NSG1: variants seen among roughly 807,000 people sequenced by gnomAD.
NSG1 encodes neuronal vesicle trafficking-associated protein 1.
Under a neutral mutation model 19.3 loss-of-function variants are expected in NSG1, and 9 were observed. That is an observed-to-expected ratio of 0.47 (90% confidence interval 0.28 to 0.81). The LOEUF (loss-of-function observed/expected upper bound fraction) is 0.81, where lower values mean the gene tolerates loss of function less well. Ranked by LOEUF, NSG1 falls within the 40% of genes least tolerant of loss-of-function variation. NSG1 has a pLI of 0.11. For synonymous variants in NSG1, 104 were observed against 107.0 expected (o/e 0.97, Z 0.17); for missense variants, 236 against 242.4 (o/e 0.97, Z 0.18).
intron 4 of NSG1, among the ~76,000 whole-genome samples, chr4:4,415,586 C>T (rs1379312918): frequency 1.3e-5 from 2 of 151,974 alleles, no homozygotes; most frequent in Non-Finnish European, 2.9e-5. Context: ...ACCAAGGTGC[C>T]TCCCCAGCCT....
At chr4:4,415,852 A>C (rs1724501256) in intron 4 of NSG1, 2 of 495,654 alleles carry the variant, frequency 4.0e-6, no homozygotes, top group Middle Eastern at 5.6e-4. Flanking sequence ...GACAGCGTGA[A>C]GGGGCGTGGC....
intron 4 of NSG1, among the ~76,000 whole-genome samples, chr4:4,411,748 C>CAA (rs1387302247): frequency 1.2e-4 from 8 of 65,818 alleles, no homozygotes; most frequent in Non-Finnish European, 1.9e-4. Context: ...CGTCTAAAAA[C>CAA]AAAACAAAAC....
Position 4,396,995 on chromosome 4 carries a change from T to C in NSG1, c.246+5404T>C, listed in dbSNP as rs374878625. 9.2e-5 allele frequency among the ~76,000 whole-genome samples: 14 copies of C among 151,892 alleles called. 1 individual carries two copies. The South Asian group carries it at 1.9e-3, about 20-fold the overall frequency. On this transcript the variant is annotated intron_variant, in intron 3 of 4. Coordinates refer to ENST00000621129, the MANE Select transcript of NSG1 (RefSeq NM_014392.5). ...CCCACCTTCCCCAGGCTAGCTGTAG[T>C]GTGGGGGCTTCGGCTGAATCAGATA...
chr4:4,391,615 G>A lies in NSG1; in HGVS notation c.246+24G>A, dbSNP rs200745674. ...AGGTGAGTGGTCCTGTGCTGGGTGA[G>A]ATGCTGCTTTTGCCCCCAGAAGGGG... On this transcript the variant is annotated intron_variant, in intron 3 of 4. Coordinates refer to ENST00000621129, the MANE Select transcript of NSG1 (RefSeq NM_014392.5). 8.0e-6 allele frequency: 12 copies of A among 1,505,658 alleles called. No individual in the cohort carries two copies. The East Asian group carries it at 2.7e-4, about 34-fold the overall frequency. 93.3% of individuals were successfully genotyped at this position (1,505,658 alleles called of 1,614,324 possible).
chr4:4,392,489 C>T (rs564960858), intron 3 of NSG1, among the ~76,000 whole-genome samples: 102 of 152,242 alleles, frequency 6.7e-4, no homozygotes, highest in Non-Finnish European at 1.2e-3. Context: ...ACTCCCACCC[C>T]CACCCGCTGC....
chr4:4,397,656 G>A (rs62287946), intron 3 of NSG1, among the ~76,000 whole-genome samples: 6,279 of 152,298 alleles, frequency 0.041, 185 homozygotes, highest in African/African-American at 0.081. Flanking sequence ...GGCCCAGGTG[G>A]GGCCCTTCTG....
chr4:4,388,136 T>C (rs1041668950), intron 2 of NSG1, among the ~76,000 whole-genome samples: 2 of 150,800 alleles, frequency 1.3e-5, no homozygotes, highest in Non-Finnish European at 3.0e-5. Context: ...AGGCTGCCCC[T>C]GTACCTTCCC....
At chr4:4,387,561 C>CGGGGGTGGG in intron 1 of NSG1, 43 bp from the exon 2 acceptor site, 10 of 1,141,984 alleles carry the variant, frequency 8.8e-6, no homozygotes, top group South Asian at 1.5e-5. Context: ...CGCCCCGCCC[C>CGGGGGTGGG]GGGTCTTGCT....
At chr4:4,408,499 C>A (rs2108748519) in intron 3 of NSG1, among the ~76,000 whole-genome samples, 1 of 152,320 alleles carries the variant, frequency 6.6e-6, no homozygotes, top group East Asian at 1.9e-4. Flanking sequence ...CTCGCTCTGT[C>A]ACCCAGGCTG....
At chr4:4,405,251 A>G (rs1202526681) in intron 3 of NSG1, among the ~76,000 whole-genome samples, 1 of 152,138 alleles carries the variant, frequency 6.6e-6, no homozygotes, top group East Asian at 1.9e-4. Context: ...CTCTCCCTAT[A>G]TGCGTGTCTG....
At position 4,416,188 on chromosome 4, in the gene NSG1, C is replaced by T. The variant is rs368065558; in HGVS notation, c.358-1047C>T. 1.2e-3 allele frequency: 875 copies of T among 702,392 alleles called. 4 individuals carry two copies. The highest frequency in any genetic ancestry group is 6.5e-3 in the Middle Eastern group (28 of 4,332). The allele number at this position is 702,392 out of a possible 1,614,324, so 43.5% of individuals were successfully genotyped here. On this transcript the variant is annotated intron_variant, in intron 4 of 4. Coordinates refer to ENST00000621129, the MANE Select transcript of NSG1 (RefSeq NM_014392.5). Reference sequence around the variant, plus strand: ...CCTGAGATTGAGAGAGAAAACACTCCGCACGTGAACTCAGCTGGTACGGTG... The same window carrying T: ...CCTGAGATTGAGAGAGAAAACACTCTGCACGTGAACTCAGCTGGTACGGTG...
At chr4:4,413,511 C>T (rs1159646518) in intron 4 of NSG1, among the ~76,000 whole-genome samples, 1 of 151,014 alleles carries the variant, frequency 6.6e-6, no homozygotes, top group African/African-American at 2.4e-5. Context: ...GTGCGGGCTT[C>T]AGGGAACGAG....
At chr4:4,407,047 T>C (rs1723898116) in intron 3 of NSG1, among the ~76,000 whole-genome samples, 1 of 152,252 alleles carries the variant, frequency 6.6e-6, no homozygotes, top group South Asian at 2.1e-4. Context: ...AAACGGCGCC[T>C]TTCCCTGTGG....
chr4:4,403,706 C>T (rs1346623856), intron 3 of NSG1, among the ~76,000 whole-genome samples: 1 of 152,192 alleles, frequency 6.6e-6, no homozygotes, highest in African/African-American at 2.4e-5. Context: ...TTGCCTGGGC[C>T]CAGTCATGTA....
chr4:4,413,283 TAGA>T (rs1474995921), intron 4 of NSG1, among the ~76,000 whole-genome samples: 2 of 151,518 alleles, frequency 1.3e-5, no homozygotes, highest in Non-Finnish European at 2.9e-5. Flanking sequence ...CGGTAGTTTC[TAGA>T]AGGATGGTCC....
chr4:4,413,622 G>T (rs999306473), intron 4 of NSG1, among the ~76,000 whole-genome samples: 1 of 151,614 alleles, frequency 6.6e-6, no homozygotes. Context: ...GTGTGCTGGT[G>T]GGGGGCTAGC....
intron 4 of NSG1, among the ~76,000 whole-genome samples, chr4:4,413,246 C>T (rs1724316509): frequency 1.3e-5 from 2 of 151,780 alleles, no homozygotes; most frequent in Non-Finnish European, 1.5e-5. Flanking sequence ...GGAAAGAGGG[C>T]CCAGGGGTTG....
At chr4:4,395,962 G>A (rs73793258) in intron 3 of NSG1, among the ~76,000 whole-genome samples, 8,895 of 152,162 alleles carry the variant, frequency 0.058, 848 homozygotes, top group African/African-American at 0.2. Flanking sequence ...TTGGCTGTGA[G>A]GTTACTAGGC....
intron 3 of NSG1, among the ~76,000 whole-genome samples, chr4:4,409,352 A>G (rs1724042625): frequency 6.6e-6 from 1 of 152,254 alleles, no homozygotes; most frequent in Admixed American, 6.5e-5. Context: ...CTAATTTAAA[A>G]TGAATGTCAC....
Sources: gnomAD v4.1 joint callset for allele counts (sites outside exome capture counted in the v4.1 genomes callset) on GRCh38, gnomAD v4.1.1 for gene constraint, MANE v1.5 for transcripts, NCBI Gene and HGNC (gene_info 2026-07-23, HGNC 2026-07-21) for gene names.